Variants in GRM7 observed in about 807,000 individuals in gnomAD.
GRM7 encodes the protein metabotropic glutamate receptor 7.
GRM7 carries 35 observed loss-of-function variants against 84.5 expected under a neutral mutation model. That is an observed-to-expected ratio of 0.41 (90% CI 0.32 to 0.55). The LOEUF (loss-of-function observed/expected upper bound fraction) is 0.55, where lower values mean the gene tolerates loss of function less well. Among genes scored for constraint, GRM7 ranks in the 20% least tolerant of loss-of-function variants. The probability of loss-of-function intolerance (pLI) is 0.19; values close to 1 mark genes in which losing one functional copy is unlikely to be tolerated. For missense variants in GRM7, 1,003 were observed against 1,194.6 expected (o/e 0.84, Z 2.36); for synonymous variants, 487 against 455.1 (o/e 1.07, Z -0.89).
At chr3:7,152,700 A>G (rs1694321532) in intron 2 of GRM7, among the ~76,000 whole-genome samples, 1 of 152,202 alleles carries the variant, frequency 6.6e-6, no homozygotes, top group Non-Finnish European at 1.5e-5. Flanking sequence ...TTTGGAATTC[A>G]TGGTCCTCTT....
intron 4 of GRM7, among the ~76,000 whole-genome samples, chr3:7,328,371 C>T (rs1701064896): frequency 6.6e-6 from 1 of 152,146 alleles, no homozygotes; most frequent in African/African-American, 2.4e-5. Flanking sequence ...AAACCATTTC[C>T]AACCGATTCT....
Position 7,462,147 on chromosome 3 carries a change from G to A in GRM7, c.1515+425G>A, listed in dbSNP as rs576654455. Among the ~76,000 whole-genome samples the A allele has an allele frequency of 2.6e-5, 4 of 152,012 alleles. No homozygotes were observed. In the South Asian group the frequency reaches 8.3e-4, roughly 32 times the overall value. Reference sequence around the variant, plus strand: ...GTGTATTTATGTGAGATTTGTAATGGGATTATCTGAGTAATTGCAGTGCTT... The same window carrying A: ...GTGTATTTATGTGAGATTTGTAATGAGATTATCTGAGTAATTGCAGTGCTT... On this transcript the variant is annotated intron_variant, in intron 7 of 9. Coordinates refer to ENST00000357716, the MANE Select transcript of GRM7 (RefSeq NM_000844.4).
intron 1 of GRM7, among the ~76,000 whole-genome samples, chr3:6,868,265 G>T (rs886398646): frequency 6.6e-6 from 1 of 152,138 alleles, no homozygotes; most frequent in Non-Finnish European, 1.5e-5. Context: ...AAACCACTAC[G>T]TATACTGCTC....
rs138776968 is a variant in GRM7, at chr3:7,284,285, C to CGTGTGTGTGTGT, written c.737-14382_737-14371dup. ...GGTGTGTGGGGTGTGCATGCTCACTCGTGTGTGTGTGTGTGTGTGTGTGTG... is the reference window on the plus strand; with the variant it reads ...GGTGTGTGGGGTGTGCATGCTCACTCGTGTGTGTGTGTGTGTGTGTGTGTGTGTGTGTGTGTG... On this transcript the variant is annotated intron_variant, in intron 2 of 9. Coordinates refer to ENST00000357716, the MANE Select transcript of GRM7 (RefSeq NM_000844.4). Among the ~76,000 whole-genome samples, 446 of 131,130 alleles carry CGTGTGTGTGTGT rather than the reference C, an allele frequency of 3.4e-3. 1 individual carries two copies. Among genetic ancestry groups the CGTGTGTGTGTGT allele is most frequent in the African/African-American group, 0.011 (428 of 38,858 alleles). 86.0% of individuals were successfully genotyped at this position (131,130 alleles called of 152,430 possible).
rs144736888 is a variant in GRM7, at chr3:7,341,967, A to G, written c.1033+35315A>G. On this transcript the variant is annotated intron_variant, in intron 4 of 9. Transcript: ENST00000357716. ...ATAGAATACAAAGTTAACATTATAG[A>G]TCATATTATAGGATAATTTTAGGAA... is the stretch of plus-strand genomic sequence containing the variant. 7.2e-3 allele frequency among the ~76,000 whole-genome samples: 1,092 copies of G among 152,246 alleles called. 19 individuals carry two copies. The highest frequency in any genetic ancestry group is 0.026 in the African/African-American group (1,064 of 41,554).
intron 2 of GRM7, among the ~76,000 whole-genome samples, chr3:7,206,268 A>C (rs1292047577): frequency 6.6e-6 from 1 of 152,230 alleles, no homozygotes; most frequent in Non-Finnish European, 1.5e-5. Flanking sequence ...ACTTGTTAGC[A>C]GTTCCTATTA....
At chr3:7,708,360 A>T (rs1701465701) in intron 9 of GRM7, among the ~76,000 whole-genome samples, 2 of 152,142 alleles carry the variant, frequency 1.3e-5, no homozygotes, top group Admixed American at 6.6e-5. Context: ...CAAAAAAAAA[A>T]AATCACAAAT....
At chr3:6,994,542 C>G (rs375876133) in intron 1 of GRM7, among the ~76,000 whole-genome samples, 22 of 152,172 alleles carry the variant, frequency 1.4e-4, no homozygotes, top group African/African-American at 5.3e-4. Flanking sequence ...CACAATATCT[C>G]AATGCTTAAG....
chr3:7,662,269 G>C (rs188341928), intron 8 of GRM7, among the ~76,000 whole-genome samples: 5 of 152,244 alleles, frequency 3.3e-5, no homozygotes, highest in African/African-American at 9.6e-5. Flanking sequence ...AATACAAAGA[G>C]GAATAAGGAA....
intron 2 of GRM7, among the ~76,000 whole-genome samples, chr3:7,161,067 G>T (rs1694608070): frequency 6.6e-6 from 1 of 152,026 alleles, no homozygotes; most frequent in Non-Finnish European, 1.5e-5. Flanking sequence ...AAAATTAGAA[G>T]ACTACTTTCT....
At chr3:6,864,099 G>C (rs1429721075) in intron 1 of GRM7, among the ~76,000 whole-genome samples, 1 of 152,144 alleles carries the variant, frequency 6.6e-6, no homozygotes, top group Non-Finnish European at 1.5e-5. Context: ...GTTATGGCTG[G>C]GGAGTAAAAC....
chr3:7,459,955 A>T (rs184004235), intron 6 of GRM7, among the ~76,000 whole-genome samples: 1 of 152,104 alleles, frequency 6.6e-6, no homozygotes, highest in African/African-American at 2.4e-5. Context: ...CAGGAAATGG[A>T]TGAAGACTGC....
At chr3:7,311,597 A>ATTTC (rs1700396827) in intron 4 of GRM7, among the ~76,000 whole-genome samples, 1 of 144,430 alleles carries the variant, frequency 6.9e-6, no homozygotes, top group African/African-American at 2.6e-5. Flanking sequence ...GTTTCAATAC[A>ATTTC]TTTTTTTTTT....
At chr3:7,266,524 A>C (rs1205790093) in intron 2 of GRM7, among the ~76,000 whole-genome samples, 1 of 152,224 alleles carries the variant, frequency 6.6e-6, no homozygotes, top group Admixed American at 6.5e-5. Flanking sequence ...GCAACAAACA[A>C]ATCTCTGTGA....
In GRM7 at chr3:7,205,152, A is replaced by G. The variant is rs145432908; in HGVS notation, c.736+58484A>G. 2.4e-4 allele frequency among the ~76,000 whole-genome samples: 37 copies of G among 152,344 alleles called. 1 individual carries two copies. The East Asian group carries it at 4.2e-3, about 17-fold the overall frequency. ...CCTTTGTCCTTTCATAATTTAAGAC[A>G]GTTGTTTCCAAACATCACATGCAGT... On this transcript the variant is annotated intron_variant, in intron 2 of 9. Transcript: ENST00000357716.
At chr3:7,627,157 T>C (rs903342811) in intron 8 of GRM7, among the ~76,000 whole-genome samples, 6 of 152,140 alleles carry the variant, frequency 3.9e-5, no homozygotes, top group African/African-American at 9.7e-5. Flanking sequence ...CAAACAGAGA[T>C]TGGAAGAGCT....
chr3:7,582,762 G>C (rs1695322698), intron 8 of GRM7, among the ~76,000 whole-genome samples: 1 of 152,124 alleles, frequency 6.6e-6, no homozygotes, highest in Non-Finnish European at 1.5e-5. Flanking sequence ...GCCAGTTCAG[G>C]ATTCTTACCT....
chr3:7,047,427 G>T (rs2124949632), intron 1 of GRM7, among the ~76,000 whole-genome samples: 1 of 152,146 alleles, frequency 6.6e-6, no homozygotes, highest in Middle Eastern at 3.4e-3. Context: ...GAGCTTAGTG[G>T]TTTAATGGAG....
intron 4 of GRM7, among the ~76,000 whole-genome samples, chr3:7,313,437 T>A (rs1380561401): frequency 6.6e-6 from 1 of 152,200 alleles, no homozygotes; most frequent in African/African-American, 2.4e-5. Context: ...TTAGAAAAAT[T>A]ACTGTTATCT....
Sources: allele counts gnomAD v4.1 joint callset (sites outside exome capture counted in the v4.1 genomes callset), GRCh38; gene constraint gnomAD v4.1.1; transcripts MANE v1.5; gene names NCBI Gene and HGNC (gene_info 2026-07-23, HGNC 2026-07-21).